The following CBLB variants were observed in gnomAD, a reference collection of about 807,000 sequenced individuals.
The protein encoded by CBLB is E3 ubiquitin-protein ligase CBL-B.
In CBLB, 31 loss-of-function variants were observed where a neutral mutation model predicts 104.9. That is an observed-to-expected ratio of 0.30 (90% CI 0.22 to 0.40). The LOEUF (loss-of-function observed/expected upper bound fraction) is 0.40. Among genes scored for constraint, CBLB ranks in the 10% least tolerant of loss-of-function variants. The probability of loss-of-function intolerance (pLI) is 1.00; values close to 1 mark genes in which losing one functional copy is unlikely to be tolerated. For synonymous variants in CBLB, 440 were observed against 422.6 expected (o/e 1.04, Z -0.51); for missense variants, 1,062 against 1,214.6 (o/e 0.87, Z 1.87).
chr3:105,812,295 C>A (rs1217728010), intron 3 of CBLB, among the ~76,000 whole-genome samples: 2 of 152,182 alleles, frequency 1.3e-5, no homozygotes, highest in Non-Finnish European at 2.9e-5. Context: ...CCTACTATGT[C>A]TCAATGGCTA....
At chr3:105,689,819 A>G (rs1201626387) in intron 13 of CBLB, among the ~76,000 whole-genome samples, 3 of 152,032 alleles carry the variant, frequency 2.0e-5, no homozygotes, top group Non-Finnish European at 4.4e-5. Flanking sequence ...TTAAAATTTT[A>G]TATTTATAGC....
intron 12 of CBLB, among the ~76,000 whole-genome samples, chr3:105,695,829 AC>A (rs1323730964): frequency 6.6e-6 from 1 of 151,706 alleles, no homozygotes; most frequent in African/African-American, 2.4e-5. Context: ...CTCTTTCAGG[AC>A]AAAAATTCTA....
chr3:105,833,599 A>C (rs2087919030), intron 3 of CBLB, among the ~76,000 whole-genome samples: 1 of 152,108 alleles, frequency 6.6e-6, no homozygotes, highest in South Asian at 2.1e-4. Flanking sequence ...TTCAGTACTT[A>C]GGGGTATTAT....
At chr3:105,857,552 A>G (rs2091732054) in intron 2 of CBLB, among the ~76,000 whole-genome samples, 1 of 152,238 alleles carries the variant, frequency 6.6e-6, no homozygotes, top group Non-Finnish European at 1.5e-5. Context: ...GGACCATTAA[A>G]ATATCATTAA....
At chr3:105,801,252 T>G (rs2082831422) in intron 3 of CBLB, among the ~76,000 whole-genome samples, 1 of 152,160 alleles carries the variant, frequency 6.6e-6, no homozygotes, top group Admixed American at 6.5e-5. Flanking sequence ...GGTCTATAAC[T>G]TTAATAGCTT....
intron 3 of CBLB, among the ~76,000 whole-genome samples, chr3:105,799,626 T>C (rs2082620624): frequency 6.6e-6 from 1 of 152,202 alleles, no homozygotes; most frequent in African/African-American, 2.4e-5. Flanking sequence ...TTTCCAAAAT[T>C]TCTATAATAT....
chr3:105,760,044 T>C (rs2077469524), intron 4 of CBLB, among the ~76,000 whole-genome samples: 1 of 152,246 alleles, frequency 6.6e-6, no homozygotes. Context: ...CATATTTTTA[T>C]AAGATTGCAG....
Position 105,702,473 on chromosome 3 carries a change from A to AC in CBLB, c.1594-15_1594-14insG. ...GCAAGGAGAAGACTAAAGAAACAGA[A>AC]GAGAAAAAAAAAAAAAAAAAAAAAA... On this transcript the variant is annotated splice_polypyrimidine_tract_variant and intron_variant, in intron 11 of 18. Transcript: ENST00000394030. The AC allele has an allele frequency of 9.9e-7, 1 of 1,010,822 alleles. No individual in the cohort carries two copies. 62.6% of individuals were successfully genotyped at this position (1,010,822 alleles called of 1,614,324 possible).
At chr3:105,790,563 A>T (rs1422819940) in intron 3 of CBLB, among the ~76,000 whole-genome samples, 1 of 152,244 alleles carries the variant, frequency 6.6e-6, no homozygotes, top group African/African-American at 2.4e-5. Flanking sequence ...ATATAAGATA[A>T]AGACCAGTTC....
At chr3:105,869,308 G>A (rs1265868284), upstream of CBLB, 1 of 1,122,484 alleles carries the variant, frequency 8.9e-7, no homozygotes, top group East Asian at 4.3e-5. Context: ...GGAAATGGAC[G>A]AAGGGATGCA....
chr3:105,847,032 T>C (rs532075239), intron 3 of CBLB, among the ~76,000 whole-genome samples: 2 of 152,114 alleles, frequency 1.3e-5, no homozygotes, highest in African/African-American at 4.8e-5. Flanking sequence ...AGAAAGTAGG[T>C]TTGTTTGCAG....
In CBLB at chr3:105,683,258, AGG is replaced by A. The variant is rs1224523073; in HGVS notation, c.2202-1442_2202-1441del. On this transcript the variant is annotated intron_variant, in intron 14 of 18. Transcript: ENST00000394030. ...CAATTCACTTCTCCTGATGTTCCAA[AGG>A]GGGAAAAATACACACAGGGAAAGAA... is the stretch of plus-strand genomic sequence containing the variant. 3.9e-5 allele frequency among the ~76,000 whole-genome samples: 6 copies of A among 152,180 alleles called. No homozygotes were observed. In the East Asian group the frequency reaches 1.2e-3, roughly 29 times the overall value.
At chr3:105,805,454 G>A (rs1439234186) in intron 3 of CBLB, among the ~76,000 whole-genome samples, 1 of 152,056 alleles carries the variant, frequency 6.6e-6, no homozygotes, top group African/African-American at 2.4e-5. Flanking sequence ...ACAGGCATGT[G>A]CCATCACACT....
chr3:105,662,952 A>C (rs1353652195), intron 18 of CBLB, among the ~76,000 whole-genome samples: 1 of 151,052 alleles, frequency 6.6e-6, no homozygotes, highest in East Asian at 1.9e-4. Context: ...GAGAGTTACT[A>C]CTGTTACTAC....
intron 3 of CBLB, among the ~76,000 whole-genome samples, chr3:105,843,103 G>A (rs2089776787): frequency 6.6e-6 from 1 of 152,120 alleles, no homozygotes; most frequent in Admixed American, 6.5e-5. Context: ...TAGTACAGAG[G>A]CAACGCTGAC....
intron 3 of CBLB, among the ~76,000 whole-genome samples, chr3:105,837,199 C>A (rs552462990): frequency 6.6e-6 from 1 of 152,210 alleles, no homozygotes; most frequent in Non-Finnish European, 1.5e-5. Flanking sequence ...ATTGTGCACG[C>A]GTATTAATGC....
At chr3:105,823,125 T>C (rs987166604) in intron 3 of CBLB, among the ~76,000 whole-genome samples, 1 of 152,218 alleles carries the variant, frequency 6.6e-6, no homozygotes, top group African/African-American at 2.4e-5. Context: ...AGCTTTATCT[T>C]AGGCTCCTAT....
At chr3:105,856,889 A>G (rs949804028) in intron 2 of CBLB, among the ~76,000 whole-genome samples, 1 of 152,200 alleles carries the variant, frequency 6.6e-6, no homozygotes, top group African/African-American at 2.4e-5. Flanking sequence ...AGTCCCAAAT[A>G]TGCCAATTAT....
intron 4 of CBLB, among the ~76,000 whole-genome samples, chr3:105,765,757 A>G (rs775007628): frequency 6.6e-6 from 1 of 152,192 alleles, no homozygotes; most frequent in Admixed American, 6.5e-5. Context: ...TCAAAATAGT[A>G]CTGCTCATTG....
Sources: gnomAD v4.1 joint callset for allele counts (sites outside exome capture counted in the v4.1 genomes callset) on GRCh38, gnomAD v4.1.1 for gene constraint, MANE v1.5 for transcripts, NCBI Gene and HGNC (gene_info 2026-07-23, HGNC 2026-07-21) for gene names.